GPM6A: variants seen among roughly 807,000 people sequenced by gnomAD.
GPM6A encodes glycoprotein M6A.
A neutral mutation model predicts 32.1 loss-of-function variants in GPM6A; 7 were observed. The observed-to-expected ratio is 0.22, with a 90% CI of 0.12 to 0.41. GPM6A has a LOEUF of 0.41. Ranked by LOEUF, GPM6A falls within the 10% of genes least tolerant of loss-of-function variation. The pLI is 1.00. For missense variants in GPM6A, 235 were observed against 347.2 expected (o/e 0.68, Z 2.57); for synonymous variants, 130 against 123.4 (o/e 1.05, Z -0.35).
chr4:175,790,713 C>T (rs369799692), intron 1 of GPM6A, among the ~76,000 whole-genome samples: 11 of 152,048 alleles, frequency 7.2e-5, no homozygotes, highest in Non-Finnish European at 1.2e-4. Context: ...ATATCCTTTT[C>T]GTTATTGTTT....
At chr4:175,684,312 A>G (rs1403330838) in intron 2 of GPM6A, among the ~76,000 whole-genome samples, 1 of 152,130 alleles carries the variant, frequency 6.6e-6, no homozygotes, top group Non-Finnish European at 1.5e-5. Flanking sequence ...TATGTTGTCA[A>G]TGTTATCAGT....
intron 1 of GPM6A, among the ~76,000 whole-genome samples, chr4:175,722,551 C>T (rs1383828344): frequency 6.6e-6 from 1 of 152,108 alleles, no homozygotes; most frequent in African/African-American, 2.4e-5. Flanking sequence ...TTCTAATAAA[C>T]TTTCCTTTTT....
chr4:175,772,879 A>G (rs1733247090), intron 1 of GPM6A, among the ~76,000 whole-genome samples: 2 of 152,212 alleles, frequency 1.3e-5, no homozygotes, highest in Non-Finnish European at 2.9e-5. Context: ...GGGCAAGTCC[A>G]ATCAATATAA....
At chr4:175,817,365 T>C (rs1272967322) in intron 1 of GPM6A, among the ~76,000 whole-genome samples, 1 of 152,192 alleles carries the variant, frequency 6.6e-6, no homozygotes, top group Non-Finnish European at 1.5e-5. Flanking sequence ...TACAGGAAAT[T>C]GATGTAGGCA....
At chr4:175,875,046 C>T (rs1220706289) in intron 1 of GPM6A, among the ~76,000 whole-genome samples, 1 of 152,166 alleles carries the variant, frequency 6.6e-6, no homozygotes, top group Non-Finnish European at 1.5e-5. Flanking sequence ...ATAATTCGTG[C>T]TTCTCACCTC....
chr4:175,828,930 T>C (rs1452868551), intron 1 of GPM6A, among the ~76,000 whole-genome samples: 1 of 152,188 alleles, frequency 6.6e-6, no homozygotes, highest in Admixed American at 6.5e-5. Flanking sequence ...CTTTTTGTTT[T>C]GTTTTGTTTT....
chr4:175,921,487 C>T (rs1019578527), intron 1 of GPM6A, among the ~76,000 whole-genome samples: 4 of 146,870 alleles, frequency 2.7e-5, no homozygotes, highest in African/African-American at 9.8e-5. Context: ...CATGATCCTG[C>T]CAAAAAAAAA....
intron 1 of GPM6A, among the ~76,000 whole-genome samples, chr4:175,911,244 T>A (rs1415023771): frequency 6.6e-6 from 1 of 152,098 alleles, no homozygotes; most frequent in Non-Finnish European, 1.5e-5. Context: ...TTACCAGTTT[T>A]GGGGGCAGAT....
intron 1 of GPM6A, among the ~76,000 whole-genome samples, chr4:175,874,130 C>A (rs573494426): frequency 5.9e-5 from 9 of 152,190 alleles, no homozygotes; most frequent in African/African-American, 2.2e-4. Flanking sequence ...ACACGGAGCA[C>A]CATATTCCTT....
At chr4:175,689,920 T>C (rs925488706) in intron 2 of GPM6A, among the ~76,000 whole-genome samples, 5 of 152,198 alleles carry the variant, frequency 3.3e-5, no homozygotes, top group African/African-American at 1.2e-4. Context: ...ACTGGGTGTG[T>C]GTTCTACCCT....
At chr4:175,778,692 A>G (rs1252988025) in intron 1 of GPM6A, among the ~76,000 whole-genome samples, 1 of 150,212 alleles carries the variant, frequency 6.7e-6, no homozygotes, top group African/African-American at 2.4e-5. Context: ...AGAAAACTCA[A>G]ACAACATAGT....
intron 1 of GPM6A, among the ~76,000 whole-genome samples, chr4:175,827,179 C>G (rs146647569): frequency 6.6e-6 from 1 of 152,060 alleles, no homozygotes; most frequent in Non-Finnish European, 1.5e-5. Flanking sequence ...AAATGCTATA[C>G]AAAAATGATG....
intron 1 of GPM6A, among the ~76,000 whole-genome samples, chr4:175,765,885 G>C (rs1187233812): frequency 6.6e-6 from 1 of 152,042 alleles, no homozygotes; most frequent in Admixed American, 6.6e-5. Context: ...ATGTGTGTGT[G>C]TCCTCCACAC....
At chr4:175,721,166 T>TATATATATA (rs55909333) in intron 1 of GPM6A, among the ~76,000 whole-genome samples, 6 of 145,482 alleles carry the variant, frequency 4.1e-5, no homozygotes, top group South Asian at 2.1e-4. Flanking sequence ...TATATATATA[T>TATATATATA]TTTCTATTTT....
At chr4:175,998,575 A>C (rs1741381660) in intron 1 of GPM6A, among the ~76,000 whole-genome samples, 1 of 152,212 alleles carries the variant, frequency 6.6e-6, no homozygotes, top group Non-Finnish European at 1.5e-5. Flanking sequence ...CTGCTTCCCC[A>C]GTCTTCAAGA....
intron 1 of GPM6A, among the ~76,000 whole-genome samples, chr4:175,762,624 T>C (rs1732793894): frequency 6.6e-6 from 1 of 152,112 alleles, no homozygotes; most frequent in Non-Finnish European, 1.5e-5. Context: ...TTCATGAATG[T>C]TATAAAAAGG....
intron 1 of GPM6A, among the ~76,000 whole-genome samples, chr4:175,996,308 T>C (rs936147971): frequency 6.6e-6 from 1 of 152,186 alleles, no homozygotes; most frequent in Non-Finnish European, 1.5e-5. Context: ...AATACATCTC[T>C]TCAAAAGAAA....
intron 1 of GPM6A, among the ~76,000 whole-genome samples, chr4:175,715,221 G>T (rs867369647): frequency 6.6e-6 from 1 of 152,054 alleles, no homozygotes; most frequent in South Asian, 2.1e-4. Flanking sequence ...TTTCTTTCAT[G>T]TGTGTGTTTG....
chr4:175,789,093 T>C (rs1435037769), intron 1 of GPM6A, among the ~76,000 whole-genome samples: 2 of 152,180 alleles, frequency 1.3e-5, no homozygotes, highest in Non-Finnish European at 2.9e-5. Context: ...AGCAGGGTTT[T>C]AGGCCCAGTT....
Sources: gnomAD v4.1 joint callset for allele counts (sites outside exome capture counted in the v4.1 genomes callset) on GRCh38, gnomAD v4.1.1 for gene constraint, MANE v1.5 for transcripts, NCBI Gene and HGNC (gene_info 2026-07-23, HGNC 2026-07-21) for gene names.